The following DAB1 variants were observed in gnomAD, a reference collection of about 807,000 sequenced individuals.
DAB1 encodes the protein disabled homolog 1.
A neutral mutation model predicts 64.6 loss-of-function variants in DAB1; 15 were observed. That is an observed-to-expected ratio of 0.23 (90% CI 0.16 to 0.36). The LOEUF (loss-of-function observed/expected upper bound fraction) is 0.36. DAB1 is among the 10% of genes least tolerant of loss of function. The pLI is 1.00. For synonymous variants in DAB1, 235 were observed against 251.9 expected (o/e 0.93, Z 0.64); for missense variants, 596 against 706.7 (o/e 0.84, Z 1.78).
At chr1:57,216,445 T>C (rs1480663442) in intron 2 of DAB1, among the ~76,000 whole-genome samples, 2 of 152,182 alleles carry the variant, frequency 1.3e-5, no homozygotes, top group Non-Finnish European at 2.9e-5. Flanking sequence ...GGAAAAGTTA[T>C]AGGTATACCC....
intron 7 of DAB1, among the ~76,000 whole-genome samples, chr1:57,500,216 G>A (rs964544354): frequency 1.3e-5 from 2 of 152,034 alleles, no homozygotes; most frequent in African/African-American, 2.4e-5. Context: ...TCAGAGAAAT[G>A]AGAAAAAAAG....
At chr1:57,027,565 G>A (rs1186214292) in intron 9 of DAB1, among the ~76,000 whole-genome samples, 1 of 152,174 alleles carries the variant, frequency 6.6e-6, no homozygotes, top group Non-Finnish European at 1.5e-5. Flanking sequence ...CCAACAGGGG[G>A]TATATTTGGA....
chr1:58,445,543 C>T (rs1557764161), intron 3 of DAB1, among the ~76,000 whole-genome samples: 1 of 152,192 alleles, frequency 6.6e-6, no homozygotes, highest in Non-Finnish European at 1.5e-5. Context: ...AATGGCTCCC[C>T]TCCATGATTT....
At chr1:57,095,224 T>C (rs1188736348) in intron 4 of DAB1, among the ~76,000 whole-genome samples, 2 of 152,172 alleles carry the variant, frequency 1.3e-5, no homozygotes, top group Non-Finnish European at 2.9e-5. Context: ...TGCTATCCTT[T>C]CACAGTGAAG....
chr1:57,102,873 C>T (rs895757697), intron 4 of DAB1, among the ~76,000 whole-genome samples: 2 of 152,260 alleles, frequency 1.3e-5, no homozygotes, highest in South Asian at 2.1e-4. Flanking sequence ...AAACTGTCAG[C>T]TCAGTAGATT....
chr1:58,474,401 G>GA (rs530342684), intron 3 of DAB1, among the ~76,000 whole-genome samples: 59 of 144,200 alleles, frequency 4.1e-4, no homozygotes, highest in South Asian at 6.7e-4. Context: ...TAAAAGTAAT[G>GA]AAAAAAAAAA....
chr1:57,188,202 C>T (rs986523233), intron 2 of DAB1, among the ~76,000 whole-genome samples: 4 of 152,070 alleles, frequency 2.6e-5, no homozygotes, highest in East Asian at 1.9e-4. Context: ...ACCCCTGCAC[C>T]GTGCCTGATT....
intron 1 of DAB1, among the ~76,000 whole-genome samples, chr1:57,321,704 A>C (rs1675731159): frequency 6.6e-6 from 1 of 152,160 alleles, no homozygotes; most frequent in East Asian, 1.9e-4. Flanking sequence ...ATAAAATGGG[A>C]GTAATAGCTC....
chr1:57,862,526 C>T (rs1271124755), intron 1 of DAB1: 1 of 152,112 alleles, frequency 6.6e-6, no homozygotes, highest in African/African-American at 2.4e-5. Context: ...AAAGGCAAGG[C>T]ACAGGCTGGA....
Position 57,290,977 on chromosome 1 carries a change from G to A in DAB1, c.54C>T (p.Asp18=). 1.2e-6 allele frequency: 2 copies of A among 1,610,458 alleles called. No individual in the cohort carries two copies. The highest frequency in any genetic ancestry group is 1.7e-6 in the Non-Finnish European group (2 of 1,178,172). The change falls in exon 2 of 15, where the codon GAC becomes GAT. Residue 18 remains aspartate (D), a synonymous_variant. Coordinates refer to ENST00000371236, the MANE Select transcript of DAB1 (RefSeq NM_001365792.1). ...QVAVKTSAKK[D]SRKKGQDRSE... ...ATTCAGCCCTACCTTTCTTTCTGGA[G>A]TCTTTCTTGGCGCTGGTTTTCACAG...
intron 2 of DAB1, among the ~76,000 whole-genome samples, chr1:57,158,899 T>C (rs1451373386): frequency 6.6e-6 from 1 of 152,234 alleles, no homozygotes; most frequent in Non-Finnish European, 1.5e-5. Context: ...CTGGTACTTC[T>C]GAAAAGTGCC....
At chr1:57,633,682 T>C (rs1646018183) in intron 7 of DAB1, among the ~76,000 whole-genome samples, 1 of 152,146 alleles carries the variant, frequency 6.6e-6, no homozygotes. Flanking sequence ...ATTCTAATAA[T>C]ATGTGCCCAG....
chr1:58,245,015 G>A (rs764745054), intron 4 of DAB1, among the ~76,000 whole-genome samples: 7 of 152,256 alleles, frequency 4.6e-5, no homozygotes, highest in Non-Finnish European at 1.0e-4. Context: ...AGGTTTTCTA[G>A]CACACCTACA....
intron 1 of DAB1, among the ~76,000 whole-genome samples, chr1:57,367,118 T>C (rs1008795644): frequency 7.7e-6 from 1 of 130,036 alleles, no homozygotes; most frequent in East Asian, 2.6e-4. Flanking sequence ...TAAAATAAAA[T>C]AAATAAATTA....
intron 7 of DAB1, among the ~76,000 whole-genome samples, chr1:57,640,062 G>C (rs1341478075): frequency 3.3e-5 from 5 of 152,166 alleles, no homozygotes; most frequent in Admixed American, 6.5e-5. Context: ...CATGGCACGA[G>C]AGGAAGTAGA....
rs983024988 is a variant in DAB1, at chr1:57,214,885, T to C, written c.68-69456A>G. Reference sequence around the variant, plus strand: ...GAGATCACGCCACTGCACTCCAGCCTGGGCGACAGAGCAAGATTCCCTCTC... The same window carrying C: ...GAGATCACGCCACTGCACTCCAGCCCGGGCGACAGAGCAAGATTCCCTCTC... On this transcript the variant is annotated intron_variant, in intron 2 of 14. Transcript: ENST00000371236. 6.2e-4 allele frequency among the ~76,000 whole-genome samples: 73 copies of C among 116,824 alleles called. 1 individual carries two copies. Among genetic ancestry groups the C allele is most frequent in the African/African-American group, 2.5e-3 (70 of 28,270 alleles). The allele number at this position is 116,824 out of a possible 152,430, so 76.6% of individuals were successfully genotyped here.
intron 3 of DAB1, among the ~76,000 whole-genome samples, chr1:57,139,800 G>T (rs1467758730): frequency 6.6e-6 from 1 of 152,020 alleles, no homozygotes; most frequent in Non-Finnish European, 1.5e-5. Context: ...AGAATTCCCT[G>T]GTAGAATATG....
intron 4 of DAB1, among the ~76,000 whole-genome samples, chr1:58,292,103 T>A (rs1294172293): frequency 6.6e-6 from 1 of 152,202 alleles, no homozygotes; most frequent in Non-Finnish European, 1.5e-5. Flanking sequence ...TGCCTCATTT[T>A]TTACCACCTT....
chr1:58,142,854 T>C (rs925952505), intron 5 of DAB1, among the ~76,000 whole-genome samples: 4 of 152,236 alleles, frequency 2.6e-5, no homozygotes, highest in African/African-American at 9.6e-5. Context: ...TCCATCTTAA[T>C]GCCTCTCAGT....
Sources: allele counts gnomAD v4.1 joint callset (sites outside exome capture counted in the v4.1 genomes callset), GRCh38; gene constraint gnomAD v4.1.1; transcripts MANE v1.5; gene names NCBI Gene and HGNC (gene_info 2026-07-23, HGNC 2026-07-21).